The following HERC6 variants were observed in gnomAD, a reference collection of about 807,000 sequenced individuals.
HERC6 encodes the protein probable E3 ubiquitin-protein ligase HERC6.
A neutral mutation model predicts 114.5 loss-of-function variants in HERC6; 101 were observed. The observed-to-expected ratio is 0.88, with a 90% CI of 0.75 to 1.04. HERC6 has a LOEUF of 1.04. Ranked by LOEUF, HERC6 falls within the 50% of genes least tolerant of loss-of-function variation. The probability of loss-of-function intolerance (pLI) is 0.00; values close to 1 mark genes in which losing one functional copy is unlikely to be tolerated. For missense variants in HERC6, 1,133 were observed against 1,230.9 expected (o/e 0.92, Z 1.19); for synonymous variants, 408 against 436.2 (o/e 0.94, Z 0.81).
rs548419932 is a variant in HERC6, at chr4:88,409,541, A to G, written c.1368+924A>G. ...TAGATACAATATTTTTATTTTCAATATAATCAGAGCAATGCTCGAGAGGTG... is the reference window on the plus strand; with the variant it reads ...TAGATACAATATTTTTATTTTCAATGTAATCAGAGCAATGCTCGAGAGGTG... On this transcript the variant is annotated intron_variant, in intron 11 of 22. Transcript: ENST00000264346. 2.0e-5 allele frequency among the ~76,000 whole-genome samples: 3 copies of G among 152,354 alleles called. No individual in the cohort carries two copies. In the East Asian group the frequency reaches 5.8e-4, roughly 29 times the overall value.
intron 22 of HERC6, chr4:88,440,527 G>A (rs758001042): frequency 3.0e-6 from 1 of 337,804 alleles, no homozygotes; most frequent in Non-Finnish European, 5.4e-6. Context: ...TTTTATAGAT[G>A]AGCTAGTGAG....
chr4:88,392,943 A>G (rs992817242), intron 4 of HERC6, among the ~76,000 whole-genome samples: 1 of 152,036 alleles, frequency 6.6e-6, no homozygotes, highest in Non-Finnish European at 1.5e-5. Flanking sequence ...CCTTGCCTCA[A>G]CCTCCCCAGA....
intron 9 of HERC6, 98 bp downstream of exon 9, chr4:88,405,095 T>C (rs1735756916): frequency 9.7e-6 from 14 of 1,449,316 alleles, no homozygotes; most frequent in Non-Finnish European, 1.2e-5. Context: ...TGTGAAGGTA[T>C]TTGCATTTTG....
In HERC6 at chr4:88,384,879, C is replaced by G. The variant is rs142558928; in HGVS notation, c.360-620C>G. Reference sequence around the variant, plus strand: ...TACTAAAAATACAAAAAAAAATAGCCGGACGTTGTGGTGCATGCCTGTAAT... The same window carrying G: ...TACTAAAAATACAAAAAAAAATAGCGGGACGTTGTGGTGCATGCCTGTAAT... On this transcript the variant is annotated intron_variant, in intron 2 of 22. Coordinates refer to ENST00000264346, the MANE Select transcript of HERC6 (RefSeq NM_017912.4). Among the ~76,000 whole-genome samples the G allele has an allele frequency of 6.9e-3, 1,055 of 152,102 alleles. 12 individuals carry two copies. The highest frequency in any genetic ancestry group is 0.023 in the African/African-American group (961 of 41,480).
intron 18 of HERC6, among the ~76,000 whole-genome samples, chr4:88,436,524 T>A (rs1456443379): frequency 1.3e-5 from 2 of 152,192 alleles, no homozygotes; most frequent in African/African-American, 4.8e-5. Flanking sequence ...GTGGGATGTT[T>A]AGCAGCATTT....
chr4:88,379,249 A>C (rs1170279926), intron 1 of HERC6, 129 bp downstream of exon 1: 1 of 734,226 alleles, frequency 1.4e-6, no homozygotes, highest in Non-Finnish European at 2.1e-6. Flanking sequence ...GCCCAGGTGC[A>C]GGGAGCGGCT....
rs375182050 is a variant in HERC6 at position 88,439,937 on chromosome 4, G to C, written c.2619G>C (p.Glu873Asp). Residue 873 changes from glutamate to aspartate, a missense_variant, in exon 21 of 23, where the codon GAG becomes GAC. Glu to Asp is a conservative substitution (Grantham distance 45). Transcript: ENST00000264346. ...ACGTCTCTGTAAAAGCAGTTTATGA[G>C]GAATTTCAGAGAGGATTTTATAGAG... ...IFNVSVKAVY[E>D]EFQRGFYRVC... The C allele has an allele frequency of 6.2e-6, 10 of 1,605,970 alleles. No homozygotes were observed. The highest frequency in any genetic ancestry group is 1.1e-5 in the South Asian group (1 of 89,904).
At chr4:88,405,904 G>A (rs2148893045) in intron 10 of HERC6, among the ~76,000 whole-genome samples, 1 of 152,272 alleles carries the variant, frequency 6.6e-6, no homozygotes, top group East Asian at 1.9e-4. Context: ...CAAAGGATCG[G>A]CTAAATCTCA....
At chr4:88,399,595 A>AC (rs1268431595) in intron 8 of HERC6, 1 of 152,172 alleles carries the variant, frequency 6.6e-6, no homozygotes, top group African/African-American at 2.4e-5. Flanking sequence ...ATGTGGTCAA[A>AC]CCCCATCTCT....
In HERC6 at chr4:88,423,901, C is replaced by T; in HGVS notation, c.1755C>T (p.Asn585=). 1 of 1,574,106 alleles carries T rather than the reference C, an allele frequency of 6.4e-7. No individual in the cohort carries two copies. The highest frequency in any genetic ancestry group is 8.6e-7 in the Non-Finnish European group (1 of 1,162,378). Residue 585 remains asparagine, a synonymous_variant, in exon 14 of 23, where the codon AAC becomes AAT. Transcript: ENST00000264346. ...GTCGACTACCAGAAAATACTTTCAACATAAATGAACTCTCCAACTTATTAA... is the reference window on the plus strand; with the variant it reads ...GTCGACTACCAGAAAATACTTTCAATATAAATGAACTCTCCAACTTATTAA... ...ANCRLPENTF[N]INELSNLLNF...
intron 20 of HERC6, among the ~76,000 whole-genome samples, chr4:88,439,575 G>A (rs573685049): frequency 6.6e-6 from 1 of 152,208 alleles, no homozygotes; most frequent in Admixed American, 6.5e-5. Flanking sequence ...AGGGCAATGG[G>A]AAGCCTTTGA....
rs915293091 is a variant in HERC6, at chr4:88,389,903, A to T, written c.437-749A>T. 3.9e-5 allele frequency among the ~76,000 whole-genome samples: 6 copies of T among 152,214 alleles called. No individual in the cohort carries two copies. The East Asian group carries it at 1.2e-3, about 29-fold the overall frequency. On this transcript the variant is annotated intron_variant, in intron 3 of 22. Coordinates refer to ENST00000264346, the MANE Select transcript of HERC6 (RefSeq NM_017912.4). ...CTGAGAAAGTCAAACTCAGCCAGGC[A>T]CGGTAGCTCATGCCTGTAATCCCAA...
At chr4:88,385,825 C>A (rs1365948759) in intron 3 of HERC6, among the ~76,000 whole-genome samples, 1 of 152,162 alleles carries the variant, frequency 6.6e-6, no homozygotes, top group African/African-American at 2.4e-5. Flanking sequence ...TCTCTCAGAG[C>A]TTAGTAGTGG....
chr4:88,424,341 G>A (rs1193630030), intron 14 of HERC6, among the ~76,000 whole-genome samples: 3 of 151,960 alleles, frequency 2.0e-5, no homozygotes, highest in Non-Finnish European at 2.9e-5. Flanking sequence ...ATACAAATAC[G>A]TGGTAGCACG....
At chr4:88,402,307 G>A (rs780780036) in intron 8 of HERC6, among the ~76,000 whole-genome samples, 2 of 152,116 alleles carry the variant, frequency 1.3e-5, no homozygotes, top group South Asian at 2.1e-4. Context: ...TTCATGCTCC[G>A]GGAAATATTT....
At chr4:88,403,539 G>A (rs1735654594) in intron 8 of HERC6, among the ~76,000 whole-genome samples, 1 of 152,184 alleles carries the variant, frequency 6.6e-6, no homozygotes, top group African/African-American at 2.4e-5. Context: ...TGGATCACGA[G>A]GTCAGGAGAT....
chr4:88,437,353 G>A (rs775764483), intron 19 of HERC6, among the ~76,000 whole-genome samples: 8 of 151,748 alleles, frequency 5.3e-5, no homozygotes, highest in Non-Finnish European at 8.8e-5. Flanking sequence ...CATTGTGCCT[G>A]GCCCCTGGGA....
intron 1 of HERC6, among the ~76,000 whole-genome samples, chr4:88,382,170 A>G (rs1368035126): frequency 2.0e-5 from 3 of 152,196 alleles, no homozygotes; most frequent in Admixed American, 6.5e-5. Flanking sequence ...ATAAGATTAC[A>G]AAGATAAAAG....
chr4:88,390,513 A>G (rs1035609277), intron 3 of HERC6, 139 bp from the exon 4 acceptor site: 13 of 737,998 alleles, frequency 1.8e-5, no homozygotes, highest in Non-Finnish European at 2.8e-5. Flanking sequence ...ATCATATTGT[A>G]TACCTTAAAT....
Sources: gnomAD v4.1 joint callset for allele counts (sites outside exome capture counted in the v4.1 genomes callset) on GRCh38, gnomAD v4.1.1 for gene constraint, MANE v1.5 for transcripts, NCBI Gene and HGNC (gene_info 2026-07-23, HGNC 2026-07-21) for gene names.